The following ANO4 variants were observed in gnomAD, a reference collection of about 807,000 sequenced individuals.
ANO4 encodes the protein anoctamin-4.
ANO4 carries 69 observed loss-of-function variants against 141.9 expected under a neutral mutation model. The observed-to-expected ratio is 0.49, with a 90% CI of 0.40 to 0.59. The LOEUF (loss-of-function observed/expected upper bound fraction) is 0.59, where lower values mean the gene tolerates loss of function less well. ANO4 is among the 20% of genes least tolerant of loss of function. The pLI, the probability that ANO4 is intolerant of heterozygous loss-of-function variation, is 0.00. For synonymous variants in ANO4, 350 were observed against 394.3 expected (o/e 0.89, Z 1.33); for missense variants, 894 against 1,162.2 (o/e 0.77, Z 3.36).
chr12:101,071,911 T>C (rs1236990345), intron 14 of ANO4, among the ~76,000 whole-genome samples: 1 of 152,168 alleles, frequency 6.6e-6, no homozygotes, highest in African/African-American at 2.4e-5. Context: ...AAGCTATGCA[T>C]CTGAAAGGGG....
intron 14 of ANO4, among the ~76,000 whole-genome samples, chr12:101,048,738 T>C (rs1363041349): frequency 4.6e-5 from 7 of 152,194 alleles, no homozygotes; most frequent in Admixed American, 3.3e-4. Flanking sequence ...TATAGGACTT[T>C]CTATTGTAAG....
intron 8 of ANO4, among the ~76,000 whole-genome samples, chr12:101,004,112 GAA>G (rs2045769669): frequency 6.9e-6 from 1 of 144,282 alleles, no homozygotes; most frequent in South Asian, 2.2e-4. Context: ...CAGGAAAACT[GAA>G]ACCTGGCAGT....
intron 1 of ANO4, among the ~76,000 whole-genome samples, chr12:100,799,611 C>T (rs775058972): frequency 6.6e-5 from 10 of 152,064 alleles, no homozygotes; most frequent in African/African-American, 1.7e-4. Context: ...CATGGTGGGG[C>T]GCGCCTGTAA....
intron 1 of ANO4, among the ~76,000 whole-genome samples, chr12:100,882,416 G>C (rs1399304780): frequency 6.6e-6 from 1 of 152,120 alleles, no homozygotes; most frequent in South Asian, 2.1e-4. Flanking sequence ...CTATGAGGTA[G>C]ATGATATCAT....
intron 1 of ANO4, among the ~76,000 whole-genome samples, chr12:100,838,483 AG>A (rs1430912163): frequency 1.3e-5 from 2 of 152,154 alleles, no homozygotes; most frequent in Non-Finnish European, 2.9e-5. Flanking sequence ...AGAAGTCCAC[AG>A]GGCCTGGAAA....
chr12:101,003,450 G>A (rs1046955380), intron 8 of ANO4, among the ~76,000 whole-genome samples: 4 of 152,218 alleles, frequency 2.6e-5, no homozygotes, highest in Non-Finnish European at 4.4e-5. Flanking sequence ...GTATCAATGT[G>A]GTAGGGAATT....
At chr12:100,731,115 AC>A (rs1395697104) in intron 1 of ANO4, among the ~76,000 whole-genome samples, 1 of 152,208 alleles carries the variant, frequency 6.6e-6, no homozygotes, top group Non-Finnish European at 1.5e-5. Flanking sequence ...CTGAATTGAT[AC>A]GTTTCTAGGC....
chr12:100,998,585 T>C (rs2045498392), intron 8 of ANO4, among the ~76,000 whole-genome samples: 1 of 152,190 alleles, frequency 6.6e-6, no homozygotes, highest in Admixed American at 6.5e-5. Flanking sequence ...TGAGAAACAA[T>C]AGAAGCTAAC....
At chr12:100,818,795 T>C (rs1468245581) in intron 1 of ANO4, among the ~76,000 whole-genome samples, 1 of 151,882 alleles carries the variant, frequency 6.6e-6, no homozygotes, top group Admixed American at 6.6e-5. Context: ...TTTTTGATTG[T>C]CATAATCTGG....
chr12:101,042,534 G>A, intron 12 of ANO4, 66 bp downstream of exon 12: 1 of 1,585,336 alleles, frequency 6.3e-7, no homozygotes, highest in Non-Finnish European at 8.6e-7. Flanking sequence ...TGCACTTTGG[G>A]GGTATTCACA....
At chr12:101,097,517 G>A in intron 19 of ANO4, 134 bp from the exon 20 acceptor site, 1 of 812,990 alleles carries the variant, frequency 1.2e-6, no homozygotes, top group South Asian at 1.6e-5. Flanking sequence ...GATCTGGAGG[G>A]TTTCCTAATT....
intron 1 of ANO4, among the ~76,000 whole-genome samples, chr12:100,900,341 A>G (rs149588084): frequency 0.071 from 10,788 of 151,778 alleles, 497 homozygotes; most frequent in African/African-American, 0.094. Flanking sequence ...TCTAGGGTAC[A>G]TGTGCACAAC....
At chr12:100,786,793 A>T (rs2135595922) in intron 3 of ANO4, among the ~76,000 whole-genome samples, 1 of 152,314 alleles carries the variant, frequency 6.6e-6, no homozygotes, top group African/African-American at 2.4e-5. Context: ...GGAGAAGGAG[A>T]TGTTTTAGAT....
intron 6 of ANO4, among the ~76,000 whole-genome samples, chr12:100,971,855 T>TAA (rs35743193): frequency 2.5e-4 from 37 of 148,266 alleles, no homozygotes; most frequent in African/African-American, 3.9e-4. Flanking sequence ...ATCTTCTTTT[T>TAA]AAAAAAAAAA....
intron 9 of ANO4, among the ~76,000 whole-genome samples, chr12:101,027,918 T>C (rs2046810237): frequency 6.6e-6 from 1 of 152,128 alleles, no homozygotes; most frequent in Non-Finnish European, 1.5e-5. Flanking sequence ...GGAGTGATCC[T>C]ACTGGCATCA....
At chr12:100,793,594 C>A (rs1301224979), upstream of ANO4, among the ~76,000 whole-genome samples, 2 of 151,716 alleles carry the variant, frequency 1.3e-5, no homozygotes, top group African/African-American at 4.8e-5. Context: ...GAAAACAAAA[C>A]CCGAGGGCAT....
chr12:100,805,927 A>G (rs2034993227), intron 1 of ANO4, among the ~76,000 whole-genome samples: 1 of 152,174 alleles, frequency 6.6e-6, no homozygotes, highest in Non-Finnish European at 1.5e-5. Context: ...TAGTCACAGT[A>G]AGTGATGTTG....
chr12:101,090,200 A>G (rs999436416), intron 17 of ANO4, among the ~76,000 whole-genome samples: 5 of 152,236 alleles, frequency 3.3e-5, no homozygotes, highest in African/African-American at 1.2e-4. Context: ...CGATTCCTCA[A>G]GGATCTAGAA....
chr12:100,774,683 G>C (rs945157435), intron 3 of ANO4, among the ~76,000 whole-genome samples: 9 of 151,666 alleles, frequency 5.9e-5, no homozygotes, highest in African/African-American at 2.2e-4. Flanking sequence ...AACACACACA[G>C]ACACAAGAAA....
Sources: allele counts gnomAD v4.1 joint callset (sites outside exome capture counted in the v4.1 genomes callset), GRCh38; gene constraint gnomAD v4.1.1; transcripts MANE v1.5; gene names NCBI Gene and HGNC (gene_info 2026-07-23, HGNC 2026-07-21).